HCN1: variants seen among roughly 807,000 people sequenced by gnomAD.
HCN1 encodes the protein potassium/sodium hyperpolarization-activated cyclic nucleotide-gated channel 1.
A neutral mutation model predicts 78.9 loss-of-function variants in HCN1; 13 were observed. The observed-to-expected ratio is 0.16, with a 90% confidence interval of 0.11 to 0.26. The LOEUF is 0.26. HCN1 is among the 10% of genes least tolerant of loss of function. The pLI, the probability that HCN1 is intolerant of heterozygous loss-of-function variation, is 1.00. For missense variants in HCN1, 810 were observed against 1,154.3 expected, an observed-to-expected ratio of 0.70 and a Z score of 4.32; for synonymous variants, 552 against 455.5, an observed-to-expected ratio of 1.21 and a Z score of -2.70.
intron 2 of HCN1, among the ~76,000 whole-genome samples, chr5:45,597,458 TATC>T (rs1744524997): frequency 6.6e-6 from 1 of 152,102 alleles, no homozygotes; most frequent in South Asian, 2.1e-4. Flanking sequence ...CCACAGCCAA[TATC>T]ATACTAAATG....
intron 1 of HCN1, among the ~76,000 whole-genome samples, chr5:45,678,135 C>T (rs7718142): frequency 0.033 from 4,979 of 151,872 alleles, 264 homozygotes; most frequent in African/African-American, 0.11. Context: ...ATTTACATAG[C>T]TCTACAGTCC....
At chr5:45,363,940 C>T (rs773999055) in intron 4 of HCN1, among the ~76,000 whole-genome samples, 1 of 152,134 alleles carries the variant, frequency 6.6e-6, no homozygotes, top group East Asian at 1.9e-4. Flanking sequence ...TACACGTGGT[C>T]TTACTACTCC....
intron 4 of HCN1, among the ~76,000 whole-genome samples, chr5:45,376,838 C>A (rs904684825): frequency 4.0e-5 from 6 of 151,792 alleles, no homozygotes; most frequent in Non-Finnish European, 5.9e-5. Context: ...GGTAAGGGAG[C>A]CAGTTAAAAT....
chr5:45,678,991 A>G (rs1337389436), intron 1 of HCN1, among the ~76,000 whole-genome samples: 1 of 152,010 alleles, frequency 6.6e-6, no homozygotes, highest in Non-Finnish European at 1.5e-5. Context: ...CCCACTGGAG[A>G]ATATCACCTA....
At position 45,267,161 on chromosome 5, in the gene HCN1, C is replaced by G; in HGVS notation, c.1711G>C (p.Glu571Gln). Reference sequence around the variant, plus strand: ...ATCATTGGATATTCCTCCAGGACCTCGTTGAAATTGTCCACGGAAAGTGAG... The same window carrying G: ...ATCATTGGATATTCCTCCAGGACCTGGTTGAAATTGTCCACGGAAAGTGAG... ...LYSLSVDNFN[E>Q]VLEEYPMMRR... The change falls in exon 7 of 8, where the codon GAG becomes CAG. Residue 571 changes from glutamate (E) to glutamine (Q), a missense_variant. Glu to Gln is a conservative substitution (Grantham distance 29). This residue lies in a region of HCN1 where 36 missense variants were observed against 58.5 expected (regional missense o/e 0.62). Coordinates refer to ENST00000303230, the MANE Select transcript of HCN1 (RefSeq NM_021072.4). 1 of 1,613,882 alleles carries G rather than the reference C, an allele frequency of 6.2e-7. No homozygotes were observed. Among genetic ancestry groups the G allele is most frequent in the Non-Finnish European group, 8.5e-7 (1 of 1,179,810 alleles).
intron 2 of HCN1, among the ~76,000 whole-genome samples, chr5:45,568,535 T>C (rs1191589557): frequency 6.6e-6 from 1 of 152,140 alleles, no homozygotes; most frequent in African/African-American, 2.4e-5. Context: ...AATTAAATTA[T>C]TTAATATGTG....
At chr5:45,415,945 G>A (rs1740109659) in intron 3 of HCN1, among the ~76,000 whole-genome samples, 1 of 152,006 alleles carries the variant, frequency 6.6e-6, no homozygotes, top group African/African-American at 2.4e-5. Context: ...CTTAAGTTAT[G>A]TTGTAAGTTA....
intron 3 of HCN1, among the ~76,000 whole-genome samples, chr5:45,406,851 T>C (rs1328253419): frequency 6.6e-6 from 1 of 152,190 alleles, no homozygotes; most frequent in African/African-American, 2.4e-5. Context: ...CTGGAGAGTG[T>C]GAGGTCAGTG....
intron 2 of HCN1, among the ~76,000 whole-genome samples, chr5:45,503,870 C>T (rs1016286891): frequency 6.6e-6 from 1 of 151,752 alleles, no homozygotes; most frequent in African/African-American, 2.4e-5. Context: ...ACTGCAACCT[C>T]CACCTCCCAG....
rs374711375 is a variant in HCN1, at chr5:45,385,126, TACTG to T, written c.1230+11362_1230+11365del. 2.3e-3 allele frequency among the ~76,000 whole-genome samples: 349 copies of T among 152,284 alleles called. 2 individuals are homozygous for T. Among genetic ancestry groups the T allele is most frequent in the African/African-American group, 7.9e-3 (329 of 41,570 alleles). ...TAGTTAGTCCTGTGCACACTCAGAA[TACTG>T]ACTGTTTTCTTTATTCTGATTCTTT... On this transcript the variant is annotated intron_variant, in intron 4 of 7. Coordinates refer to ENST00000303230, the MANE Select transcript of HCN1 (RefSeq NM_021072.4).
intron 5 of HCN1, among the ~76,000 whole-genome samples, chr5:45,323,743 T>A (rs1343973746): frequency 6.6e-6 from 1 of 151,760 alleles, no homozygotes; most frequent in Non-Finnish European, 1.5e-5. Context: ...AGGCCCGGTG[T>A]GTGATGTTCC....
chr5:45,299,176 A>G (rs1384767169), intron 6 of HCN1, among the ~76,000 whole-genome samples: 1 of 152,032 alleles, frequency 6.6e-6, no homozygotes, highest in Non-Finnish European at 1.5e-5. Context: ...TTCTGAACAG[A>G]AAAAGGACAT....
chr5:45,388,020 A>G (rs1182150991), intron 4 of HCN1, among the ~76,000 whole-genome samples: 1 of 152,202 alleles, frequency 6.6e-6, no homozygotes, highest in Non-Finnish European at 1.5e-5. Flanking sequence ...AAACAAAAAT[A>G]TGGATAAGAG....
chr5:45,332,035 AATGT>A lies in HCN1; in HGVS notation c.1377+21061_1377+21064del, dbSNP rs111563986. On this transcript the variant is annotated intron_variant, in intron 5 of 7. Coordinates refer to ENST00000303230, the MANE Select transcript of HCN1 (RefSeq NM_021072.4). ...AAAATTGGTTTATATAAGCTAGACA[AATGT>A]AGTATACATATGTTCTTTAATGGTT... Among the ~76,000 whole-genome samples, 7 of 151,676 alleles carry A rather than the reference AATGT, an allele frequency of 4.6e-5. 1 individual carries two copies. The highest frequency in any genetic ancestry group is 1.7e-4 in the African/African-American group (7 of 41,516).
intron 2 of HCN1, among the ~76,000 whole-genome samples, chr5:45,602,844 T>A (rs1744651411): frequency 6.6e-6 from 1 of 152,080 alleles, no homozygotes; most frequent in South Asian, 2.1e-4. Flanking sequence ...GTGATCAGAT[T>A]TCACTTCTAT....
At chr5:45,383,037 A>G (rs1747839843) in intron 4 of HCN1, among the ~76,000 whole-genome samples, 1 of 152,118 alleles carries the variant, frequency 6.6e-6, no homozygotes, top group African/African-American at 2.4e-5. Flanking sequence ...GTTTGTTTGT[A>G]AAGTGTTATT....
chr5:45,362,371 G>T (rs1431835160), intron 4 of HCN1, among the ~76,000 whole-genome samples: 2 of 151,928 alleles, frequency 1.3e-5, no homozygotes, highest in East Asian at 3.9e-4. Context: ...CACAGAAGAT[G>T]ACTTTACATA....
rs1219744184 is a variant in HCN1, at chr5:45,606,210, A to G, written c.849+38975T>C. On this transcript the variant is annotated intron_variant, in intron 2 of 7. Coordinates refer to ENST00000303230, the MANE Select transcript of HCN1 (RefSeq NM_021072.4). The stretch of plus-strand genomic sequence containing the variant: ...ATTTTCCTTTGCATTAAACCTAGTG[A>G]AAAATAGAAAAAGAACAAACGATTT... 9.2e-5 allele frequency among the ~76,000 whole-genome samples: 14 copies of G among 152,036 alleles called. No individual in the cohort carries two copies. The South Asian group carries it at 2.9e-3, about 31-fold the overall frequency.
At chr5:45,388,789 G>C (rs2112032787) in intron 4 of HCN1, among the ~76,000 whole-genome samples, 1 of 152,158 alleles carries the variant, frequency 6.6e-6, no homozygotes. Context: ...TTAAGTTATT[G>C]AATTGTTGAG....
Sources: allele counts gnomAD v4.1 joint callset (sites outside exome capture counted in the v4.1 genomes callset), GRCh38; gene constraint gnomAD v4.1.1; regional missense constraint gnomAD v4.1.1; transcripts MANE v1.5; gene names NCBI Gene and HGNC (gene_info 2026-07-23, HGNC 2026-07-21).